Variants in CFAP54 observed in about 807,000 individuals in gnomAD.
CFAP54 encodes the protein cilia- and flagella-associated protein 54.
A neutral mutation model predicts 370.4 loss-of-function variants in CFAP54; 290 were observed. That is an observed-to-expected ratio of 0.78 (90% CI 0.71 to 0.86). The LOEUF (loss-of-function observed/expected upper bound fraction) is 0.86. CFAP54 is among the 40% of genes least tolerant of loss of function. CFAP54 has a pLI of 0.00. For synonymous variants in CFAP54, 1,206 were observed against 1,236.5 expected (o/e 0.98, Z 0.52); for missense variants, 3,399 against 3,528.7 (o/e 0.96, Z 0.93).
At chr12:96,750,031 T>A (rs1958164814) in intron 55 of CFAP54, among the ~76,000 whole-genome samples, 2 of 152,200 alleles carry the variant, frequency 1.3e-5, no homozygotes, top group South Asian at 4.1e-4. Flanking sequence ...TATTCTTTAG[T>A]TTCAGGAGTG....
At chr12:96,713,820 G>A (rs1957642011) in intron 48 of CFAP54, among the ~76,000 whole-genome samples, 1 of 152,098 alleles carries the variant, frequency 6.6e-6, no homozygotes, top group African/African-American at 2.4e-5. Flanking sequence ...CTAGATAAAG[G>A]GAACAAATAC....
rs534488888 is a variant in CFAP54, at chr12:96,770,848, A to G, written c.8281+5630A>G. On this transcript the variant is annotated intron_variant, in intron 60 of 67. Coordinates refer to ENST00000524981, the MANE Select transcript of CFAP54 (RefSeq NM_001306084.2). ...CCACTACTAATTCAAATCCTGATCTATCCAATTCTAAAGGCTCTGCTGTTA... is the reference window on the plus strand; with the variant it reads ...CCACTACTAATTCAAATCCTGATCTGTCCAATTCTAAAGGCTCTGCTGTTA... Among the ~76,000 whole-genome samples, 8 of 152,362 alleles carry G rather than the reference A, an allele frequency of 5.3e-5. No individual in the cohort carries two copies. The East Asian group carries it at 1.5e-3, about 29-fold the overall frequency.
chr12:96,602,427 A>T (rs1331796845), intron 26 of CFAP54, among the ~76,000 whole-genome samples: 1 of 152,204 alleles, frequency 6.6e-6, no homozygotes. Context: ...AAGAATGTAT[A>T]TTCTGTTGAT....
intron 45 of CFAP54, among the ~76,000 whole-genome samples, chr12:96,694,604 AT>A (rs2136568977): frequency 6.6e-6 from 1 of 152,284 alleles, no homozygotes; most frequent in South Asian, 2.1e-4. Context: ...AAAACAAACA[AT>A]TGAAGATAGA....
At chr12:96,495,338 T>C (rs977706560) in intron 1 of CFAP54, among the ~76,000 whole-genome samples, 6 of 150,630 alleles carry the variant, frequency 4.0e-5, no homozygotes, top group African/African-American at 1.5e-4. Flanking sequence ...GACAGTGTCT[T>C]GTTCTGTCGC....
Position 96,547,908 on chromosome 12 carries a change from C to A in CFAP54, c.2084C>A (p.Pro695His), listed in dbSNP as rs1477715091. 3.4e-6 allele frequency: 5 copies of A among 1,482,708 alleles called. No individual in the cohort carries two copies. Among genetic ancestry groups the A allele is most frequent in the Non-Finnish European group, 4.5e-6 (5 of 1,111,814 alleles). The allele number at this position is 1,482,708 out of a possible 1,614,324, so 91.8% of individuals were successfully genotyped here. Residue 695 changes from proline (P) to histidine (H), a missense_variant, in exon 15 of 68, where the codon CCT becomes CAT. Transcript: ENST00000524981. ...TCCTTCCTTTCTTTTCCAGATGTAC[C>A]TTTAAGAGAAGGGACTAACAAATTC... ...GRKFKQSLDV[P>H]LREGTNKFPG...
At chr12:96,608,200 T>G (rs1028646528) in intron 26 of CFAP54, among the ~76,000 whole-genome samples, 1 of 152,168 alleles carries the variant, frequency 6.6e-6, no homozygotes, top group South Asian at 2.1e-4. Context: ...AAGAAAAATT[T>G]ATTAGTAACC....
intron 42 of CFAP54, among the ~76,000 whole-genome samples, chr12:96,687,281 G>T (rs1345322536): frequency 4.6e-5 from 7 of 152,116 alleles, no homozygotes; most frequent in African/African-American, 1.7e-4. Context: ...GCCCTGTAAG[G>T]TCACATATTC....
intron 13 of CFAP54, among the ~76,000 whole-genome samples, 192 bp from the exon 14 acceptor site, chr12:96,540,645 A>G (rs1029175130): frequency 1.3e-5 from 2 of 152,256 alleles, no homozygotes; most frequent in African/African-American, 2.4e-5. Context: ...TGATTACTAA[A>G]TATCATTTTA....
In CFAP54 at chr12:96,694,548, T is replaced by C. The variant is rs1592712271; in HGVS notation, c.6351+740T>C. On this transcript the variant is annotated intron_variant, in intron 45 of 67. Transcript: ENST00000524981. ...CATATATTCACCCTTTTTTCTATAG[T>C]GGACTTTACTAAAAATTAGGAAGAC... Among the ~76,000 whole-genome samples, 3 of 152,150 alleles carry C rather than the reference T, an allele frequency of 2.0e-5. No homozygotes were observed. The East Asian group carries it at 5.8e-4, about 29-fold the overall frequency.
intron 3 of CFAP54, among the ~76,000 whole-genome samples, chr12:96,504,970 T>C (rs1289330730): frequency 6.6e-6 from 1 of 151,302 alleles, no homozygotes; most frequent in Non-Finnish European, 1.5e-5. Context: ...TTTCTTTCTT[T>C]CTTTCCCTTT....
intron 32 of CFAP54, among the ~76,000 whole-genome samples, chr12:96,631,496 C>T (rs1172091368): frequency 1.3e-5 from 2 of 151,226 alleles, no homozygotes; most frequent in Non-Finnish European, 3.0e-5. Context: ...TTTTTTCTCT[C>T]AATATTATGT....
intron 48 of CFAP54, among the ~76,000 whole-genome samples, chr12:96,716,446 G>A (rs1957680208): frequency 6.6e-6 from 1 of 152,208 alleles, no homozygotes; most frequent in Admixed American, 6.5e-5. Context: ...TTCCATAAGT[G>A]TTCTTATTAT....
intron 32 of CFAP54, among the ~76,000 whole-genome samples, chr12:96,640,600 A>C (rs1956715300): frequency 6.6e-6 from 1 of 152,238 alleles, no homozygotes; most frequent in Non-Finnish European, 1.5e-5. Context: ...AGAACCAAAA[A>C]AGAGCCTGCA....
chr12:96,746,343 C>A (rs557283322), intron 55 of CFAP54, among the ~76,000 whole-genome samples: 5 of 152,108 alleles, frequency 3.3e-5, no homozygotes, highest in Non-Finnish European at 7.4e-5. Context: ...AGAGTCTGCT[C>A]TCTTCCTCTT....
At chr12:96,756,305 C>T (rs1958256543) in intron 56 of CFAP54, among the ~76,000 whole-genome samples, 153 bp from the exon 57 acceptor site, 1 of 152,172 alleles carries the variant, frequency 6.6e-6, no homozygotes, top group South Asian at 2.1e-4. Context: ...GGCAATGGAT[C>T]TTTCCTCATT....
chr12:96,587,134 C>G (rs1956082207), intron 22 of CFAP54, among the ~76,000 whole-genome samples: 1 of 151,984 alleles, frequency 6.6e-6, no homozygotes, highest in Non-Finnish European at 1.5e-5. Context: ...CAGTTCAGTT[C>G]CAGGCATGTT....
intron 25 of CFAP54, 59 bp downstream of exon 25, chr12:96,594,505 A>G: frequency 7.7e-7 from 1 of 1,300,870 alleles, no homozygotes; most frequent in African/African-American, 1.5e-5. Context: ...TTAACAATTC[A>G]TTTTAGAAAA....
chr12:96,715,580 T>G (rs1263189872), intron 48 of CFAP54, among the ~76,000 whole-genome samples: 1 of 152,166 alleles, frequency 6.6e-6, no homozygotes, highest in African/African-American at 2.4e-5. Context: ...AAGAACAATC[T>G]GGAAAAATAT....
Sources: allele counts gnomAD v4.1 joint callset (sites outside exome capture counted in the v4.1 genomes callset), GRCh38; gene constraint gnomAD v4.1.1; transcripts MANE v1.5; gene names NCBI Gene and HGNC (gene_info 2026-07-23, HGNC 2026-07-21).